The following NCAPD3 variants were observed in gnomAD, a reference collection of about 807,000 sequenced individuals.
NCAPD3 encodes condensin-2 complex subunit D3.
Under a neutral mutation model 182.9 loss-of-function variants are expected in NCAPD3, and 105 were observed. The observed-to-expected ratio is 0.57, with a 90% confidence interval of 0.49 to 0.68. The LOEUF is 0.68. Among genes scored for constraint, NCAPD3 ranks in the 30% least tolerant of loss-of-function variants. NCAPD3 has a pLI of 0.00. For missense variants in NCAPD3, 1,944 were observed against 1,837.0 expected, an observed-to-expected ratio of 1.06 and a Z score of -1.07; for synonymous variants, 815 against 679.9, an observed-to-expected ratio of 1.20 and a Z score of -3.09.
chr11:134,177,585 C>A (rs1303110661), intron 22 of NCAPD3, 128 bp from the exon 23 acceptor site: 9 of 795,236 alleles, frequency 1.1e-5, no homozygotes, highest in Admixed American at 2.7e-5. Flanking sequence ...CCCACAATCA[C>A]AAACAACAAA....
In NCAPD3 at chr11:134,209,378, A is replaced by C; in HGVS notation, c.667T>G (p.Phe223Val). The change falls in exon 5 of 35, where the codon TTT (phenylalanine) becomes GTT (valine). Residue 223 changes from phenylalanine (F) to valine (V), a missense_variant. Coordinates refer to ENST00000534548, the MANE Select transcript of NCAPD3 (RefSeq NM_015261.3). ...RNAIFHLLKN[F>V]LRLLPKFSLK... ...GAAAACTTTGGCAGAAGCCTTAAAA[A>C]ATTCTTTAAAAGGTGAAAGATGGCA... 1.2e-6 allele frequency: 2 copies of C among 1,614,144 alleles called. No homozygotes were observed. Among genetic ancestry groups the C allele is most frequent in the Non-Finnish European group, 1.7e-6 (2 of 1,180,014 alleles).
intron 22 of NCAPD3, chr11:134,177,882 C>CCTTTCTTTCTTTCTTTCTTT (rs35739849): frequency 0.017 from 2,642 of 153,342 alleles, 33 homozygotes; most frequent in African/African-American, 0.025. Context: ...ATGCATGTCC[C>CCTTTCTTTCTTTCTTTCTTT]CTTTCTTTCT....
chr11:134,218,909 T>A (rs1229058070), intron 2 of NCAPD3, among the ~76,000 whole-genome samples: 1 of 152,178 alleles, frequency 6.6e-6, no homozygotes, highest in Admixed American at 6.5e-5. Context: ...TTAAAACAGA[T>A]CTATTCATGT....
chr11:134,161,918 T>C (rs1244990737), intron 27 of NCAPD3, 27 bp from the exon 28 acceptor site: 2 of 1,250,186 alleles, frequency 1.6e-6, no homozygotes, highest in South Asian at 1.3e-5. Flanking sequence ...AGACATGTTT[T>C]AGATGTATGA....
chr11:134,166,743 T>C (rs1219456494), intron 27 of NCAPD3, among the ~76,000 whole-genome samples: 1 of 77,862 alleles, frequency 1.3e-5, no homozygotes, highest in East Asian at 3.8e-4. Flanking sequence ...GAGATGAGCT[T>C]GGGGGAGGCG....
intron 32 of NCAPD3, among the ~76,000 whole-genome samples, chr11:134,156,560 A>T (rs1030858808): frequency 2.0e-5 from 3 of 152,214 alleles, no homozygotes; most frequent in Non-Finnish European, 2.9e-5. Context: ...GAGGGGAATG[A>T]GACACAGGCT....
rs1241681690 is a variant in NCAPD3 at position 134,192,879 on chromosome 11, C to T, written c.1855G>A (p.Ala619Thr). ...ACCGGGACCACCCCCCGCAACCAGGCTTTCTGGATCTGCACGCATCTAGGC... is the reference window on the plus strand; with the variant it reads ...ACCGGGACCACCCCCCGCAACCAGGTTTTCTGGATCTGCACGCATCTAGGC... ...AQPRCVQIQK[A>T]WLRGVVPVVM... The change falls in exon 16 of 35, where the codon GCC becomes ACC. Residue 619 changes from alanine to threonine, a missense_variant. Ala to Thr is a moderately conservative substitution (Grantham distance 58, BLOSUM62 0). Coordinates refer to ENST00000534548, the MANE Select transcript of NCAPD3 (RefSeq NM_015261.3). The T allele has an allele frequency of 5.0e-6, 8 of 1,612,868 alleles. No homozygotes were observed. The highest frequency in any genetic ancestry group is 6.8e-6 in the Non-Finnish European group (8 of 1,178,998).
At chr11:134,224,055 C>T, upstream of NCAPD3, 1 of 1,157,416 alleles carries the variant, frequency 8.6e-7, no homozygotes, top group South Asian at 1.4e-5. Context: ...CCGCGCCGAG[C>T]CGTTTCCATT....
intron 13 of NCAPD3, among the ~76,000 whole-genome samples, chr11:134,200,335 A>T (rs1412658208): frequency 6.6e-6 from 1 of 152,244 alleles, no homozygotes; most frequent in East Asian, 1.9e-4. Context: ...TTTAAAAATC[A>T]TATATCTGAT....
intron 14 of NCAPD3, 141 bp from the exon 15 acceptor site, chr11:134,194,291 A>C: frequency 1.2e-6 from 1 of 812,546 alleles, no homozygotes. Flanking sequence ...TCCTCACAAC[A>C]TCCCATTTTT....
intron 3 of NCAPD3, among the ~76,000 whole-genome samples, chr11:134,212,652 A>G (rs1937881659): frequency 6.6e-6 from 1 of 152,170 alleles, no homozygotes; most frequent in Non-Finnish European, 1.5e-5. Flanking sequence ...GCAGCCTCCC[A>G]AAGTGCTGGG....
chr11:134,172,712 T>C (rs1347233178), intron 24 of NCAPD3, among the ~76,000 whole-genome samples: 2 of 152,124 alleles, frequency 1.3e-5, no homozygotes, highest in Non-Finnish European at 2.9e-5. Flanking sequence ...TAGAATTCTG[T>C]AGCCTCCAAA....
At position 134,168,204 on chromosome 11, in the gene NCAPD3, CAGAGAG is replaced by C. The variant is rs747903174; in HGVS notation, c.3374-15_3374-10del. The C allele has an allele frequency of 3.2e-5, 51 of 1,612,224 alleles. 1 individual carries two copies. The South Asian group carries it at 5.2e-4, about 16-fold the overall frequency. ...GCCATCAGCAAAGCACGCTGAGAGA[CAGAGAG>C]AGAGAAAAACGTGAGCTTCTGAGAA... On this transcript the variant is annotated splice_polypyrimidine_tract_variant and intron_variant, in intron 26 of 34. Transcript: ENST00000534548.
chr11:134,164,816 T>A (rs951859278), intron 27 of NCAPD3, among the ~76,000 whole-genome samples: 11 of 141,904 alleles, frequency 7.8e-5, no homozygotes, highest in African/African-American at 2.4e-4. Context: ...TTCACACTCA[T>A]GAAATGACCT....
At chr11:134,220,454 CT>C in intron 2 of NCAPD3, 117 bp downstream of exon 2, 1 of 859,144 alleles carries the variant, frequency 1.2e-6, no homozygotes, top group East Asian at 2.5e-5. Flanking sequence ...CTTTATGTTA[CT>C]CATATTGTAC....
upstream of NCAPD3, chr11:134,224,660 C>G (rs1010581140): frequency 1.3e-5 from 2 of 152,280 alleles, no homozygotes; most frequent in South Asian, 2.1e-4. Flanking sequence ...CGCCCGCCCC[C>G]TCCCCCGCCC....
chr11:134,184,835 AC>A, intron 18 of NCAPD3, 67 bp downstream of exon 18: 1 of 1,392,962 alleles, frequency 7.2e-7, no homozygotes, highest in Non-Finnish European at 1.0e-6. Context: ...ACACACACAC[AC>A]ACACACACAC....
intron 24 of NCAPD3, among the ~76,000 whole-genome samples, chr11:134,171,743 G>A (rs1944010931): frequency 6.6e-6 from 1 of 152,088 alleles, no homozygotes; most frequent in African/African-American, 2.4e-5. Flanking sequence ...GTTCCACGGT[G>A]AATCAGGCCC....
In NCAPD3 at chr11:134,204,032, G is replaced by C; in HGVS notation, c.1215+14C>G. 3 of 1,613,754 alleles carry C rather than the reference G, an allele frequency of 1.9e-6. No individual in the cohort carries two copies. The highest frequency in any genetic ancestry group is 2.5e-6 in the Non-Finnish European group (3 of 1,179,862). The stretch of plus-strand genomic sequence containing the variant: ...TAAAAAGGACCCAAGGTTTTATGCA[G>C]AGCTATCTCCTACCTTGGAACTTCG... On this transcript the variant is annotated intron_variant, in intron 10 of 34. Coordinates refer to ENST00000534548, the MANE Select transcript of NCAPD3 (RefSeq NM_015261.3). This position sits in a 1 kb window ranked among gnomAD's most constrained non-coding sequence, Gnocchi z 4.3.
Sources: gnomAD v4.1 joint callset for allele counts (sites outside exome capture counted in the v4.1 genomes callset) on GRCh38, gnomAD v4.1.1 for gene constraint, Gnocchi (gnomAD v3.1) non-coding constraint, MANE v1.5 for transcripts, NCBI Gene and HGNC (gene_info 2026-07-23, HGNC 2026-07-21) for gene names.